The following KCNH4 variants were observed in gnomAD, a reference collection of about 807,000 sequenced individuals.
The protein encoded by KCNH4 is voltage-gated delayed rectifier potassium channel KCNH4.
Under a neutral mutation model 90.7 loss-of-function variants are expected in KCNH4, and 33 were observed. The ratio of observed to expected loss-of-function variants is 0.36; its 90% CI spans 0.28 to 0.49. The LOEUF (loss-of-function observed/expected upper bound fraction) is 0.49. KCNH4 is among the 20% of genes least tolerant of loss of function. The pLI is 0.98. For missense variants in KCNH4, 1,044 were observed against 1,387.1 expected (o/e 0.75, Z 3.93); for synonymous variants, 551 against 581.7 (o/e 0.95, Z 0.76).
intron 6 of KCNH4, among the ~76,000 whole-genome samples, chr17:42,173,333 G>GA (rs573954466): frequency 3.3e-5 from 5 of 152,074 alleles, no homozygotes; most frequent in Non-Finnish European, 5.9e-5. Flanking sequence ...GAAGGAACTG[G>GA]AAAGGAGGTG....
At chr17:42,175,329 G>C (rs2079853601) in intron 6 of KCNH4, among the ~76,000 whole-genome samples, 1 of 152,240 alleles carries the variant, frequency 6.6e-6, no homozygotes, top group Non-Finnish European at 1.5e-5. Flanking sequence ...ATGCCGCCTT[G>C]GTAGCCATAG....
chr17:42,178,526 A>G, intron 2 of KCNH4, 49 bp from the exon 3 acceptor site: 1 of 1,603,120 alleles, frequency 6.2e-7, no homozygotes, highest in Non-Finnish European at 8.5e-7. Context: ...GCCCCATGGC[A>G]TGCCTTTCTC....
rs746019611 is a variant in KCNH4 at position 42,178,836 on chromosome 17, G to A, written c.267C>T (p.Gly89=). The change falls in exon 2 of 17, where the codon GGC becomes GGT. Residue 89 remains glycine, a synonymous_variant. Coordinates refer to ENST00000264661, the MANE Select transcript of KCNH4 (RefSeq NM_012285.3). Reference sequence around the variant, plus strand: ...AGATTTCAGCCCGGTGCTCCTGGTGGCCCTCCAGGGCTTTGTGCAGACGCT... The same window carrying A: ...AGATTTCAGCCCGGTGCTCCTGGTGACCCTCCAGGGCTTTGTGCAGACGCT... ...ALQRLHKALE[G]HQEHRAEICF... is the part of the protein sequence containing the mutation. 20 of 1,614,028 alleles carry A rather than the reference G, an allele frequency of 1.2e-5. No homozygotes were observed. The highest frequency in any genetic ancestry group is 1.7e-5 in the Admixed American group (1 of 60,028).
intron 16 of KCNH4, among the ~76,000 whole-genome samples, chr17:42,159,454 C>A (rs974186515): frequency 6.6e-6 from 1 of 152,120 alleles, no homozygotes; most frequent in Non-Finnish European, 1.5e-5. Context: ...GCCTCTCCAG[C>A]CTGGGCTCAT....
chr17:42,178,273 C>T (rs760859612), intron 3 of KCNH4, 46 bp from the exon 4 acceptor site: 31 of 1,613,906 alleles, frequency 1.9e-5, no homozygotes, highest in South Asian at 2.2e-5. Flanking sequence ...ACATCCCTTG[C>T]GGCTGGTTAG....
At chr17:42,162,162 TC>T in intron 15 of KCNH4, 85 bp downstream of exon 15, 2 of 1,166,758 alleles carry the variant, frequency 1.7e-6, no homozygotes, top group Non-Finnish European at 2.5e-6. Flanking sequence ...GCCAGGCTGG[TC>T]CCAAACTCCT....
intron 9 of KCNH4, among the ~76,000 whole-genome samples, chr17:42,167,298 A>G (rs9913963): frequency 0.18 from 26,485 of 151,334 alleles, 2,892 homozygotes; most frequent in East Asian, 0.41. Flanking sequence ...GCAGAGTCTC[A>G]CTCTGTTACC....
intron 1 of KCNH4, among the ~76,000 whole-genome samples, chr17:42,179,245 C>G (rs935726315): frequency 6.6e-6 from 1 of 152,192 alleles, no homozygotes; most frequent in Non-Finnish European, 1.5e-5. Context: ...CAGGGTCTAA[C>G]GGGGAGTTGG....
intron 10 of KCNH4, 130 bp from the exon 11 acceptor site, chr17:42,165,823 A>T (rs1241245890): frequency 1.9e-6 from 2 of 1,055,196 alleles, no homozygotes; most frequent in Admixed American, 4.3e-5. Context: ...AGTCAATGGG[A>T]TTGGTGGAAA....
intron 15 of KCNH4, among the ~76,000 whole-genome samples, chr17:42,160,914 CTTTTTCTTTTTTTT>C (rs1332111034): frequency 3.2e-5 from 4 of 124,176 alleles, no homozygotes; most frequent in Non-Finnish European, 5.1e-5. Context: ...GTTCTTTTTT[CTTTTTCTTTTTTTT>C]TTTTTTTTTT....
At position 42,164,228 on chromosome 17, in the gene KCNH4, C is replaced by A. The variant is rs1215613858; in HGVS notation, c.2086-60G>T. 1.1e-5 allele frequency: 16 copies of A among 1,416,086 alleles called. No individual in the cohort carries two copies. In the South Asian group the frequency reaches 2.0e-4, roughly 17 times the overall value. 87.7% of individuals were successfully genotyped at this position (1,416,086 alleles called of 1,614,324 possible). ...GCCTTCCCGCGGCCATAGCGCAGAC[C>A]CTCCCTGTCCCACCCAACAGTGTTA... On this transcript the variant is annotated intron_variant, in intron 11 of 16. Coordinates refer to ENST00000264661, the MANE Select transcript of KCNH4 (RefSeq NM_012285.3).
At chr17:42,166,940 T>C (rs2079792445) in intron 9 of KCNH4, among the ~76,000 whole-genome samples, 2 of 152,150 alleles carry the variant, frequency 1.3e-5, no homozygotes, top group African/African-American at 4.8e-5. Context: ...CCAGTCTGTA[T>C]CTCAGTCTGT....
Position 42,170,232 on chromosome 17 carries a change from C to T in KCNH4, c.1265G>A (p.Arg422Gln), listed in dbSNP as rs1163539882. 1.1e-5 allele frequency: 17 copies of T among 1,609,824 alleles called. No homozygotes were observed. The highest frequency in any genetic ancestry group is 5.3e-5 in the African/African-American group (4 of 74,850). ...CAGTGCCGCGATGTAGGCGCTGCGC[C>T]GTGATGGGCCGCCCACCGAGCCATT... ...YVNGSVGGPS[R>Q]RSAYIAALYF... The change falls in exon 8 of 17, where the codon CGG becomes CAG. Residue 422 changes from arginine to glutamine, a missense_variant. Physicochemically the swap from Arg to Gln is conservative, Grantham distance 43. Coordinates refer to ENST00000264661, the MANE Select transcript of KCNH4 (RefSeq NM_012285.3).
In KCNH4 at chr17:42,163,483, G is replaced by T; in HGVS notation, c.2477+123C>A. 1.3e-6 allele frequency: 1 copy of T among 748,806 alleles called. No homozygotes were observed. The highest frequency in any genetic ancestry group is 2.2e-6 in the Non-Finnish European group (1 of 448,862). 46.4% of individuals were successfully genotyped at this position (748,806 alleles called of 1,614,324 possible). ...TGGGGTTGCAAGCTGTGGTTGGAAG[G>T]GTGCGGTGGGCACACGGGCAGAGAC... On this transcript the variant is annotated intron_variant, in intron 13 of 16. Transcript: ENST00000264661. This position sits in a 1 kb window ranked among gnomAD's most constrained non-coding sequence, Gnocchi z 5.4.
Position 42,160,017 on chromosome 17 carries a change from C to A in KCNH4, c.*23G>T, listed in dbSNP as rs1336196650. ...GGTGAGCGGCAGCGCCCACCCCAGA[C>A]AGGCCTGGGCCCTGGGCCAGGGTCA... On this transcript the variant is annotated 3_prime_UTR_variant, in exon 16 of 17. Coordinates refer to ENST00000264661, the MANE Select transcript of KCNH4 (RefSeq NM_012285.3). 1 of 1,484,470 alleles carries A rather than the reference C, an allele frequency of 6.7e-7. No individual in the cohort carries two copies. The allele number at this position is 1,484,470 out of a possible 1,614,324, so 92.0% of individuals were successfully genotyped here.
rs754547458 is a variant in KCNH4, at chr17:42,170,226, C to T, written c.1271G>A (p.Ser424Asn). 4.3e-6 allele frequency: 7 copies of T among 1,611,212 alleles called. No individual in the cohort carries two copies. Among genetic ancestry groups the T allele is most frequent in the Non-Finnish European group, 4.2e-6 (5 of 1,179,916 alleles). The change falls in exon 8 of 17, where the codon AGC becomes AAC. Residue 424 changes from serine to asparagine, a missense_variant. Ser to Asn is a conservative substitution (Grantham distance 46, BLOSUM62 1). This residue lies in a region of KCNH4 where 318 missense variants were observed against 479.6 expected (regional missense o/e 0.66). Transcript: ENST00000264661. ...GAAGTACAGTGCCGCGATGTAGGCG[C>T]TGCGCCGTGATGGGCCGCCCACCGA... ...NGSVGGPSRR[S>N]AYIAALYFTL... is the part of the protein sequence containing the mutation.
intron 15 of KCNH4, among the ~76,000 whole-genome samples, chr17:42,161,209 T>G (rs2079746365): frequency 6.6e-6 from 1 of 152,226 alleles, no homozygotes; most frequent in Non-Finnish European, 1.5e-5. Flanking sequence ...ATTACAGGCA[T>G]GAGCCACCGC....
chr17:42,177,954 T>G (rs777964328), intron 4 of KCNH4, 146 bp downstream of exon 4: 210 of 910,642 alleles, frequency 2.3e-4, no homozygotes, highest in Non-Finnish European at 3.4e-4. Context: ...ATATACCATA[T>G]AGAGTAGTAT....
At chr17:42,173,904 A>C (rs2079844986) in intron 6 of KCNH4, among the ~76,000 whole-genome samples, 1 of 151,124 alleles carries the variant, frequency 6.6e-6, no homozygotes, top group South Asian at 2.1e-4. Flanking sequence ...GGATTTCACC[A>C]TGTTAGCCAG....
Sources: allele counts gnomAD v4.1 joint callset (sites outside exome capture counted in the v4.1 genomes callset), GRCh38; gene constraint gnomAD v4.1.1; regional missense constraint gnomAD v4.1.1; non-coding constraint Gnocchi (gnomAD v3.1); transcripts MANE v1.5; gene names NCBI Gene and HGNC (gene_info 2026-07-23, HGNC 2026-07-21).